ZNF721: variants seen among roughly 807,000 people sequenced by gnomAD.
ZNF721 encodes zinc finger protein 721.
Under a neutral mutation model 2.4 loss-of-function variants are expected in ZNF721, and 2 were observed. The observed-to-expected ratio is 0.82, with a 90% CI of 0.34 to 2.58. The LOEUF is 2.58. Among genes scored for constraint, ZNF721 ranks in the 30% most tolerant of loss-of-function variants. The pLI, the probability that ZNF721 is intolerant of heterozygous loss-of-function variation, is 0.11. For synonymous variants in ZNF721, 398 were observed against 381.8 expected (o/e 1.04, Z -0.50); for missense variants, 1,187 against 1,085.5 (o/e 1.09, Z -1.31).
chr4:493,740 T>G (rs1370117666), intron 1 of ZNF721, among the ~76,000 whole-genome samples: 1 of 152,118 alleles, frequency 6.6e-6, no homozygotes, highest in Admixed American at 6.6e-5. Flanking sequence ...TGCAGCTATT[T>G]TCATTAAACC....
intron 2 of ZNF721, among the ~76,000 whole-genome samples, chr4:468,907 G>C (rs1553867201): frequency 6.6e-6 from 1 of 152,150 alleles, no homozygotes; most frequent in East Asian, 1.9e-4. Context: ...CCAAAAGTTT[G>C]TATCAGAACA....
intron 2 of ZNF721, among the ~76,000 whole-genome samples, chr4:452,170 A>G (rs1040809251): frequency 1.3e-5 from 2 of 152,224 alleles, no homozygotes; most frequent in Non-Finnish European, 2.9e-5. Context: ...CCTATTGCTG[A>G]AAAAAGCAGC....
chr4:471,684 ATAAT>A (rs1407189418), intron 2 of ZNF721, among the ~76,000 whole-genome samples: 1 of 152,198 alleles, frequency 6.6e-6, no homozygotes, highest in Non-Finnish European at 1.5e-5. Context: ...TATTCCATTT[ATAAT>A]TAATAATACT....
At chr4:483,446 G>C (rs1449158648) in intron 1 of ZNF721, among the ~76,000 whole-genome samples, 1 of 152,056 alleles carries the variant, frequency 6.6e-6, no homozygotes, top group African/African-American at 2.4e-5. Context: ...CAGCTACTTG[G>C]GAGGCTGAGG....
chr4:450,021 T>C (rs1714600599), intron 2 of ZNF721, among the ~76,000 whole-genome samples: 1 of 152,190 alleles, frequency 6.6e-6, no homozygotes, highest in Non-Finnish European at 1.5e-5. Context: ...CAACAAATGG[T>C]ATTTTAACAC....
intron 1 of ZNF721, among the ~76,000 whole-genome samples, chr4:485,294 C>T (rs1376247416): frequency 6.6e-6 from 1 of 151,992 alleles, no homozygotes; most frequent in Non-Finnish European, 1.5e-5. Context: ...CATTTTTTAC[C>T]TCAGTTGAGT....
chr4:461,553 G>A (rs1576961161), intron 2 of ZNF721, among the ~76,000 whole-genome samples: 1 of 152,332 alleles, frequency 6.6e-6, no homozygotes, highest in Middle Eastern at 3.4e-3. Context: ...AGACAAGGAT[G>A]CCCTCTCTCA....
At chr4:488,846 A>G (rs1715958077) in intron 1 of ZNF721, among the ~76,000 whole-genome samples, 1 of 152,060 alleles carries the variant, frequency 6.6e-6, no homozygotes, top group Non-Finnish European at 1.5e-5. Context: ...AATAAAATAA[A>G]TAAAATAAAA....
intron 1 of ZNF721, among the ~76,000 whole-genome samples, chr4:496,540 T>C (rs1349528583): frequency 6.6e-6 from 1 of 151,946 alleles, no homozygotes; most frequent in Non-Finnish European, 1.5e-5. Flanking sequence ...CAGGTGCTCT[T>C]ATTTCTTCAG....
At chr4:474,161 A>AT (rs782676824) in intron 1 of ZNF721, 66 of 615,410 alleles carry the variant, frequency 1.1e-4, no homozygotes, top group African/African-American at 3.1e-4. Context: ...GCCGCCGAAG[A>AT]TCCCGGATGC....
chr4:462,199 G>A (rs868958024), intron 2 of ZNF721, among the ~76,000 whole-genome samples: 1 of 152,084 alleles, frequency 6.6e-6, no homozygotes, highest in Admixed American at 6.5e-5. Flanking sequence ...AATTTACAAG[G>A]GATGTAAAAG....
intron 1 of ZNF721, among the ~76,000 whole-genome samples, chr4:495,763 C>T (rs531530385): frequency 2.1e-4 from 32 of 152,154 alleles, no homozygotes; most frequent in Middle Eastern, 3.4e-3. Context: ...CCACCACGCC[C>T]AGCTAATTTT....
intron 1 of ZNF721, among the ~76,000 whole-genome samples, chr4:488,940 A>T (rs1236286195): frequency 3.3e-5 from 5 of 152,124 alleles, no homozygotes; most frequent in Admixed American, 6.5e-5. Context: ...GAGAGGAAAA[A>T]CACCCAAGGG....
At chr4:484,498 C>T (rs7659270) in intron 1 of ZNF721, among the ~76,000 whole-genome samples, 18,253 of 152,194 alleles carry the variant, frequency 0.12, 1,548 homozygotes, top group African/African-American at 0.24. Context: ...GGAGAAATAT[C>T]GCTGAATTCT....
intron 2 of ZNF721, chr4:454,118 A>G (rs1714761202): frequency 6.6e-6 from 1 of 152,276 alleles, no homozygotes; most frequent in Admixed American, 6.5e-5. Context: ...ATAACACATT[A>G]GTACACTATG....
chr4:479,978 T>C (rs1352715170), intron 1 of ZNF721, among the ~76,000 whole-genome samples: 1 of 152,218 alleles, frequency 6.6e-6, no homozygotes, highest in Non-Finnish European at 1.5e-5. Context: ...TTTCGTATTT[T>C]TTTTATGGTA....
At chr4:445,141 C>T (rs1232940016) in intron 2 of ZNF721, among the ~76,000 whole-genome samples, 2 of 151,896 alleles carry the variant, frequency 1.3e-5, no homozygotes, top group African/African-American at 2.4e-5. Flanking sequence ...CCTACCACCA[C>T]GCCCAGCTAA....
At chr4:492,168 AAAAAAAAC>A (rs1490749761) in intron 1 of ZNF721, among the ~76,000 whole-genome samples, 4 of 151,614 alleles carry the variant, frequency 2.6e-5, no homozygotes, top group East Asian at 1.9e-4. Context: ...GTCTCAAAAA[AAAAAAAAC>A]AAACAAACAA....
At chr4:484,532 GAGA>G (rs1286791654) in intron 1 of ZNF721, among the ~76,000 whole-genome samples, 1 of 152,248 alleles carries the variant, frequency 6.6e-6, no homozygotes, top group Non-Finnish European at 1.5e-5. Context: ...GAACGTCCCT[GAGA>G]AGGAGAATAC....
Sources: allele counts gnomAD v4.1 joint callset (sites outside exome capture counted in the v4.1 genomes callset), GRCh38; gene constraint gnomAD v4.1.1; transcripts MANE v1.5; gene names NCBI Gene and HGNC (gene_info 2026-07-23, HGNC 2026-07-21).